The following AP3M1 variants were observed in gnomAD, a reference collection of about 807,000 sequenced individuals.
AP3M1 encodes the protein AP-3 complex subunit mu-1.
AP3M1 carries 29 observed loss-of-function variants against 42.6 expected under a neutral mutation model. That is an observed-to-expected ratio of 0.68 (90% confidence interval 0.51 to 0.93). AP3M1 has a LOEUF of 0.93. Among genes scored for constraint, AP3M1 ranks in the 40% least tolerant of loss-of-function variants. The pLI, the probability that AP3M1 is intolerant of heterozygous loss-of-function variation, is 0.00. For missense variants in AP3M1, 416 were observed against 510.2 expected, an observed-to-expected ratio of 0.82 and a Z score of 1.78; for synonymous variants, 178 against 175.3, an observed-to-expected ratio of 1.02 and a Z score of -0.12.
intron 1 of AP3M1, among the ~76,000 whole-genome samples, chr10:74,143,375 C>T (rs1841219256): frequency 6.6e-6 from 1 of 152,100 alleles, no homozygotes; most frequent in Admixed American, 6.6e-5. Flanking sequence ...TCAGCCTCCT[C>T]AGTAGCTGGG....
intron 1 of AP3M1, among the ~76,000 whole-genome samples, chr10:74,149,287 TTTTTTTTTTTTTTTTTTTTC>T (rs1841447004): frequency 5.8e-5 from 6 of 103,096 alleles, no homozygotes; most frequent in African/African-American, 2.7e-4. Context: ...TTTTTTTTTT[TTTTTTTTTTTTTTTTTTTTC>T]GAGGCAGAGT....
intron 1 of AP3M1, among the ~76,000 whole-genome samples, chr10:74,140,273 G>A (rs1162803446): frequency 6.6e-6 from 1 of 152,208 alleles, no homozygotes; most frequent in Non-Finnish European, 1.5e-5. Context: ...CAAGCCCCAC[G>A]TCCTCGTCTG....
intron 8 of AP3M1, among the ~76,000 whole-genome samples, 198 bp from the exon 9 acceptor site, chr10:74,124,108 T>C (rs1222759164): frequency 6.6e-6 from 1 of 152,196 alleles, no homozygotes; most frequent in Non-Finnish European, 1.5e-5. Context: ...GCAGGGAATG[T>C]CTGTGAAGTA....
At chr10:74,128,718 G>A (rs1013823272) in intron 6 of AP3M1, among the ~76,000 whole-genome samples, 3 of 151,664 alleles carry the variant, frequency 2.0e-5, no homozygotes, top group Non-Finnish European at 4.4e-5. Context: ...TGCATGGTCC[G>A]TTTTGCTCTG....
chr10:74,145,424 C>T (rs1841298102), intron 1 of AP3M1, among the ~76,000 whole-genome samples: 1 of 152,180 alleles, frequency 6.6e-6, no homozygotes, highest in Non-Finnish European at 1.5e-5. Context: ...AGCTTTAAAA[C>T]CCATCTTAAC....
At chr10:74,129,376 T>C (rs994790687) in intron 5 of AP3M1, 135 bp from the exon 6 acceptor site, 2 of 750,770 alleles carry the variant, frequency 2.7e-6, no homozygotes, top group African/African-American at 1.8e-5. Context: ...CACAACCTTA[T>C]AGTTTCATAA....
chr10:74,127,423 C>T (rs972913126), intron 6 of AP3M1, among the ~76,000 whole-genome samples: 1 of 151,838 alleles, frequency 6.6e-6, no homozygotes, highest in African/African-American at 2.4e-5. Context: ...GCAGGCAGAT[C>T]ACTGGAGGTC....
Position 74,138,275 on chromosome 10 carries a change from A to C in AP3M1, c.105T>G (p.Ala35=), listed in dbSNP as rs1354486118. The change falls in exon 2 of 9, where the codon GCT becomes GCG. Residue 35 remains alanine (A), a synonymous_variant. Coordinates refer to ENST00000355264, the MANE Select transcript of AP3M1 (RefSeq NM_012095.6). ...TTTCAACATCAGCAGCTTTCTCTTG[A>C]GCTTCAAAGAAATAATCACAGACAG... ...SQSVCDYFFE[A]QEKAADVENV... is the part of the protein sequence containing the mutation. The C allele has an allele frequency of 6.2e-7, 1 of 1,613,854 alleles. No individual in the cohort carries two copies. The highest frequency in any genetic ancestry group is 1.1e-5 in the South Asian group (1 of 91,060).
At chr10:74,148,673 C>G (rs1841409566) in intron 1 of AP3M1, among the ~76,000 whole-genome samples, 1 of 152,058 alleles carries the variant, frequency 6.6e-6, no homozygotes, top group Non-Finnish European at 1.5e-5. Flanking sequence ...CATTCTGCCT[C>G]TACCTCCTGA....
intron 4 of AP3M1, among the ~76,000 whole-genome samples, chr10:74,131,463 G>A (rs1031861597): frequency 6.6e-5 from 10 of 151,994 alleles, no homozygotes; most frequent in Non-Finnish European, 1.3e-4. Flanking sequence ...CACCGCGCCC[G>A]GCTTCAATAG....
At chr10:74,132,725 G>A (rs947479978) in intron 4 of AP3M1, among the ~76,000 whole-genome samples, 6 of 147,154 alleles carry the variant, frequency 4.1e-5, no homozygotes, top group Non-Finnish European at 7.6e-5. Context: ...AAAAAAAAAA[G>A]AAAGTGAAAA....
chr10:74,146,582 G>A (rs528817879), intron 1 of AP3M1, among the ~76,000 whole-genome samples: 3 of 152,032 alleles, frequency 2.0e-5, no homozygotes, highest in Non-Finnish European at 4.4e-5. Flanking sequence ...AGAGAGATGT[G>A]TCACTTGGCC....
rs57279906 is a variant in AP3M1, at chr10:74,149,267, G to GTTTTTTTT, written c.-4+1480_-4+1487dup. Among the ~76,000 whole-genome samples, 13 of 60,098 alleles carry GTTTTTTTT rather than the reference G, an allele frequency of 2.2e-4. 5 individuals are homozygous for GTTTTTTTT. Among genetic ancestry groups the GTTTTTTTT allele is most frequent in the African/African-American group, 5.5e-4 (9 of 16,378 alleles). The allele number at this position is 60,098 out of a possible 152,430, so 39.4% of individuals were successfully genotyped here. On this transcript the variant is annotated intron_variant, in intron 1 of 8. Transcript: ENST00000355264. The stretch of plus-strand genomic sequence containing the variant: ...GAGAGCTTTCCTAAAGATACGTAAG[G>GTTTTTTTT]TTTTTTTTTTTTTTTTTTTTTTTTT...
intron 6 of AP3M1, among the ~76,000 whole-genome samples, chr10:74,127,000 A>G (rs1167327836): frequency 7.1e-6 from 1 of 140,128 alleles, no homozygotes; most frequent in Non-Finnish European, 1.6e-5. Context: ...AAAAAAAAAA[A>G]AGTAAAAAAT....
chr10:74,147,688 A>G (rs1841374373), intron 1 of AP3M1, among the ~76,000 whole-genome samples: 1 of 152,152 alleles, frequency 6.6e-6, no homozygotes, highest in African/African-American at 2.4e-5. Context: ...CACAGAGGAC[A>G]CTGGTGATCT....
intron 4 of AP3M1, 28 bp downstream of exon 4, chr10:74,133,999 C>G (rs1840866000): frequency 6.2e-7 from 1 of 1,610,084 alleles, no homozygotes; most frequent in Non-Finnish European, 8.5e-7. Context: ...TTGTTTTTCC[C>G]CAAATAAGAT....
At chr10:74,126,017 G>A (rs1840603063) in intron 7 of AP3M1, 131 bp downstream of exon 7, 2 of 892,864 alleles carry the variant, frequency 2.2e-6, no homozygotes, top group East Asian at 4.9e-5. Context: ...GCACAGCACA[G>A]TATGCTCTCT....
chr10:74,137,364 C>T (rs887951295), intron 2 of AP3M1, among the ~76,000 whole-genome samples: 2 of 152,102 alleles, frequency 1.3e-5, no homozygotes, highest in Non-Finnish European at 2.9e-5. Flanking sequence ...ACATATTATA[C>T]CAGAAAGTAT....
intron 5 of AP3M1, 53 bp downstream of exon 5, chr10:74,129,854 C>T: frequency 8.8e-7 from 1 of 1,132,334 alleles, no homozygotes; most frequent in South Asian, 1.3e-5. Context: ...TCATTTAGTA[C>T]TTCACATGTA....
Sources: gnomAD v4.1 joint callset for allele counts (sites outside exome capture counted in the v4.1 genomes callset) on GRCh38, gnomAD v4.1.1 for gene constraint, MANE v1.5 for transcripts, NCBI Gene and HGNC (gene_info 2026-07-23, HGNC 2026-07-21) for gene names.